The following PIK3AP1 variants were observed in gnomAD, a reference collection of about 807,000 sequenced individuals.
The protein encoded by PIK3AP1 is phosphoinositide-3-kinase adaptor protein 1.
A neutral mutation model predicts 88.1 loss-of-function variants in PIK3AP1; 21 were observed. That is an observed-to-expected ratio of 0.24 (90% CI 0.17 to 0.34). The LOEUF is 0.34. PIK3AP1 is among the 10% of genes least tolerant of loss of function. The pLI is 1.00. For synonymous variants in PIK3AP1, 398 were observed against 400.0 expected (o/e 1.00, Z 0.06); for missense variants, 828 against 1,035.7 (o/e 0.80, Z 2.75).
At chr10:96,663,168 G>T (rs890965252) in intron 2 of PIK3AP1, among the ~76,000 whole-genome samples, 1 of 151,902 alleles carries the variant, frequency 6.6e-6, no homozygotes, top group Non-Finnish European at 1.5e-5. Context: ...ATAGCTAAGA[G>T]GTATGAAATT....
At chr10:96,712,524 A>G (rs1844452060) in intron 1 of PIK3AP1, among the ~76,000 whole-genome samples, 1 of 152,188 alleles carries the variant, frequency 6.6e-6, no homozygotes, top group Admixed American at 6.5e-5. Context: ...ATATTTCTTT[A>G]TACCTCAATG....
At position 96,687,274 on chromosome 10, in the gene PIK3AP1, AAAAAAAAAAAAG is replaced by A. The variant is rs1197140755; in HGVS notation, c.430+22281_430+22292del. 2.6e-4 allele frequency among the ~76,000 whole-genome samples: 36 copies of A among 136,276 alleles called. 5 individuals carry two copies. The highest frequency in any genetic ancestry group is 1.3e-3 in the African/African-American group (35 of 27,580). The allele number at this position is 136,276 out of a possible 152,430, so 89.4% of individuals were successfully genotyped here. On this transcript the variant is annotated intron_variant, in intron 2 of 16. Transcript: ENST00000339364. ...CCATCTCAAAAAAAAAAAAAAAAAA[AAAAAAAAAAAAG>A]AAAAAAGATCTCCTCCTTTCAAGGA...
intron 14 of PIK3AP1, among the ~76,000 whole-genome samples, chr10:96,604,877 C>T (rs947944457): frequency 3.3e-5 from 5 of 151,742 alleles, no homozygotes; most frequent in African/African-American, 1.2e-4. Context: ...TTTTTTTCCC[C>T]GAGACTGAGT....
chr10:96,648,734 C>A lies in PIK3AP1; in HGVS notation c.1110G>T (p.Lys370Asn), dbSNP rs1564969241. The change falls in exon 7 of 17, where the codon AAG becomes AAT. Residue 370 changes from lysine to asparagine, a missense_variant. By Grantham distance (94) the Lys-to-Asn change is moderately conservative (BLOSUM62 0). Coordinates refer to ENST00000339364, the MANE Select transcript of PIK3AP1 (RefSeq NM_152309.3). Reference protein sequence around the residue: ...GALQAYSVANKHGHYPNTIAE... With the variant: ...GALQAYSVANNHGHYPNTIAE... The stretch of plus-strand genomic sequence containing the variant: ...CGATGGTGTTGGGGTAGTGGCCATG[C>A]TTGTTGGCCACGCTGTACGCCTGCA... 1.2e-6 allele frequency: 2 copies of A among 1,610,832 alleles called. No homozygotes were observed. The highest frequency in any genetic ancestry group is 1.7e-6 in the Non-Finnish European group (2 of 1,178,834).
At chr10:96,615,975 A>C (rs1450833265) in intron 13 of PIK3AP1, among the ~76,000 whole-genome samples, 1 of 152,208 alleles carries the variant, frequency 6.6e-6, no homozygotes, top group Non-Finnish European at 1.5e-5. Flanking sequence ...TCCTCTTGCT[A>C]TAAGGCTGGC....
intron 2 of PIK3AP1, among the ~76,000 whole-genome samples, chr10:96,700,203 C>T (rs781763975): frequency 6.6e-6 from 1 of 152,290 alleles, no homozygotes; most frequent in South Asian, 2.1e-4. Context: ...AAGTGTAACG[C>T]GAACAGGAGA....
At chr10:96,709,423 A>C (rs1265127226) in intron 2 of PIK3AP1, 144 bp downstream of exon 2, 1 of 1,008,500 alleles carries the variant, frequency 9.9e-7, no homozygotes, top group East Asian at 2.4e-5. Context: ...ATCCCACCCC[A>C]GAAATAGGCT....
intron 8 of PIK3AP1, among the ~76,000 whole-genome samples, chr10:96,628,755 T>C (rs1355512797): frequency 1.3e-5 from 2 of 151,472 alleles, no homozygotes; most frequent in Non-Finnish European, 2.9e-5. Context: ...TTTGAAAGAA[T>C]GGGTTCAATT....
At chr10:96,647,943 G>A (rs967128603) in intron 7 of PIK3AP1, among the ~76,000 whole-genome samples, 2 of 152,128 alleles carry the variant, frequency 1.3e-5, no homozygotes, top group African/African-American at 4.8e-5. Flanking sequence ...CGTGGGGTGC[G>A]ATCAGCCTCA....
intron 3 of PIK3AP1, among the ~76,000 whole-genome samples, chr10:96,653,479 CTTTTTTTTT>C (rs748930022): frequency 3.2e-5 from 2 of 61,806 alleles, no homozygotes; most frequent in Admixed American, 2.8e-4. Context: ...ACTTTATACA[CTTTTTTTTT>C]TTTTTTTTTT....
At chr10:96,676,252 T>A (rs1444189635) in intron 2 of PIK3AP1, among the ~76,000 whole-genome samples, 1 of 151,636 alleles carries the variant, frequency 6.6e-6, no homozygotes, top group Non-Finnish European at 1.5e-5. Context: ...CTATGCTGTA[T>A]CCATTGTAAG....
At chr10:96,675,003 C>T (rs1336847961) in intron 2 of PIK3AP1, among the ~76,000 whole-genome samples, 1 of 152,238 alleles carries the variant, frequency 6.6e-6, no homozygotes. Context: ...AGCAATTCTC[C>T]TGCCACAGCC....
intron 2 of PIK3AP1, among the ~76,000 whole-genome samples, chr10:96,701,711 G>T (rs888657768): frequency 1.3e-5 from 2 of 152,166 alleles, no homozygotes; most frequent in African/African-American, 2.4e-5. Context: ...GGGGGAGGGT[G>T]GGGAGATGCT....
At chr10:96,609,600 C>T in intron 14 of PIK3AP1, 112 bp downstream of exon 14, 2 of 1,306,694 alleles carry the variant, frequency 1.5e-6, no homozygotes, top group Non-Finnish European at 1.0e-6. Flanking sequence ...CAAACCCAAA[C>T]CAGGCCCCAC....
chr10:96,691,111 A>C (rs1052822111), intron 2 of PIK3AP1, among the ~76,000 whole-genome samples: 3 of 151,970 alleles, frequency 2.0e-5, no homozygotes, highest in Admixed American at 6.6e-5. Context: ...CCCAGGTTGG[A>C]GTTCCCTCCT....
At chr10:96,616,234 G>T (rs1362038289) in intron 13 of PIK3AP1, among the ~76,000 whole-genome samples, 1 of 152,158 alleles carries the variant, frequency 6.6e-6, no homozygotes, top group East Asian at 1.9e-4. Flanking sequence ...TGCAGATGAC[G>T]CCATTGCTCA....
At chr10:96,654,693 C>T (rs1843590911) in intron 3 of PIK3AP1, among the ~76,000 whole-genome samples, 1 of 152,186 alleles carries the variant, frequency 6.6e-6, no homozygotes, top group South Asian at 2.1e-4. Context: ...GGATAACAGG[C>T]AGTCAAGATA....
chr10:96,698,933 T>C lies in PIK3AP1; in HGVS notation c.430+10634A>G, dbSNP rs377662450. ...TGGCTCACGCCTGTAATCCCAGCAC[T>C]TTGGGAGGCCAAGGTGGGTGGATCA... On this transcript the variant is annotated intron_variant, in intron 2 of 16. Transcript: ENST00000339364. 1.6e-4 allele frequency among the ~76,000 whole-genome samples: 24 copies of C among 152,192 alleles called. 1 individual carries two copies. The East Asian group carries it at 4.6e-3, about 29-fold the overall frequency.
intron 8 of PIK3AP1, chr10:96,633,092 C>A (rs1843268458): frequency 1.3e-6 from 2 of 1,546,276 alleles, no homozygotes; most frequent in Non-Finnish European, 8.7e-7. Context: ...CATAGCAACT[C>A]CAGAGGCGGA....
Sources: gnomAD v4.1 joint callset for allele counts (sites outside exome capture counted in the v4.1 genomes callset) on GRCh38, gnomAD v4.1.1 for gene constraint, MANE v1.5 for transcripts, NCBI Gene and HGNC (gene_info 2026-07-23, HGNC 2026-07-21) for gene names.